ASCC3: variants seen among roughly 807,000 people sequenced by gnomAD.
ASCC3 encodes ASC-1 complex subunit P200.
ASCC3 carries 158 observed loss-of-function variants against 256.3 expected under a neutral mutation model. The observed-to-expected ratio is 0.62, with a 90% CI of 0.54 to 0.70. The LOEUF (loss-of-function observed/expected upper bound fraction) is 0.70, where lower values mean the gene tolerates loss of function less well. Ranked by LOEUF, ASCC3 falls within the 30% of genes least tolerant of loss-of-function variation. The probability of loss-of-function intolerance (pLI) is 0.00; values close to 1 mark genes in which losing one functional copy is unlikely to be tolerated. For missense variants in ASCC3, 2,259 were observed against 2,626.0 expected (o/e 0.86, Z 3.05); for synonymous variants, 948 against 883.4 (o/e 1.07, Z -1.30).
intron 10 of ASCC3, among the ~76,000 whole-genome samples, chr6:100,731,800 T>G (rs182324980): frequency 3.3e-5 from 5 of 152,306 alleles, no homozygotes; most frequent in Admixed American, 1.3e-4. Context: ...AGTCACTACC[T>G]CTTACCTGCT....
At chr6:100,730,869 T>C (rs1779870571) in intron 10 of ASCC3, among the ~76,000 whole-genome samples, 1 of 152,178 alleles carries the variant, frequency 6.6e-6, no homozygotes, top group Non-Finnish European at 1.5e-5. Context: ...CATGCACGAA[T>C]GCACGCTCAC....
In ASCC3 at chr6:100,582,178, G is replaced by A. The variant is rs1771319963; in HGVS notation, c.5550+7456C>T. Among the ~76,000 whole-genome samples the A allele has an allele frequency of 2.6e-5, 4 of 152,136 alleles. No individual in the cohort carries two copies. In the South Asian group the frequency reaches 8.3e-4, roughly 32 times the overall value. On this transcript the variant is annotated intron_variant, in intron 36 of 41. Transcript: ENST00000369162. ...TTGAATCTATAAATTACCTTGGGCAGTATGGCCATTATCATGATATTGATT... is the reference window on the plus strand; with the variant it reads ...TTGAATCTATAAATTACCTTGGGCAATATGGCCATTATCATGATATTGATT...
At chr6:100,688,593 TG>T (rs1262209929) in intron 13 of ASCC3, among the ~76,000 whole-genome samples, 1 of 152,226 alleles carries the variant, frequency 6.6e-6, no homozygotes, top group Non-Finnish European at 1.5e-5. Context: ...CTTATCCTTT[TG>T]GGCATCCAAA....
At chr6:100,545,175 C>CT (rs1554190635) in intron 36 of ASCC3, among the ~76,000 whole-genome samples, 1 of 151,614 alleles carries the variant, frequency 6.6e-6, no homozygotes, top group Non-Finnish European at 1.5e-5. Context: ...AATGGCACTT[C>CT]TTTTTTTGTT....
chr6:100,799,850 T>G (rs1343331223), intron 6 of ASCC3, among the ~76,000 whole-genome samples: 1 of 152,150 alleles, frequency 6.6e-6, no homozygotes, highest in Non-Finnish European at 1.5e-5. Flanking sequence ...GTTTACTTAT[T>G]AAGGTATACA....
At chr6:100,572,523 G>C (rs546304631) in intron 36 of ASCC3, among the ~76,000 whole-genome samples, 14 of 152,202 alleles carry the variant, frequency 9.2e-5, no homozygotes, top group Admixed American at 2.0e-4. Context: ...AAAGGGAATA[G>C]GGCATAGGGA....
At chr6:100,846,132 A>C (rs942944921) in intron 4 of ASCC3, among the ~76,000 whole-genome samples, 10 of 100,716 alleles carry the variant, frequency 9.9e-5, no homozygotes, top group African/African-American at 3.4e-4. Context: ...GTAAATAGAC[A>C]ACACATAAGG....
chr6:100,698,619 A>G (rs1056522278), intron 13 of ASCC3, among the ~76,000 whole-genome samples: 1 of 152,210 alleles, frequency 6.6e-6, no homozygotes, highest in Non-Finnish European at 1.5e-5. Context: ...AGATAATTTA[A>G]TACTTCTAAT....
intron 36 of ASCC3, among the ~76,000 whole-genome samples, chr6:100,571,552 T>G (rs2114725583): frequency 6.6e-6 from 1 of 152,298 alleles, no homozygotes; most frequent in East Asian, 1.9e-4. Flanking sequence ...ATAAATATTA[T>G]TATTAAATAA....
At chr6:100,658,111 A>T (rs1286877139) in intron 16 of ASCC3, among the ~76,000 whole-genome samples, 1 of 151,552 alleles carries the variant, frequency 6.6e-6, no homozygotes, top group Non-Finnish European at 1.5e-5. Context: ...GAGGTGAGAC[A>T]TATGTAACTA....
At chr6:100,845,702 C>A (rs1000667371) in intron 4 of ASCC3, among the ~76,000 whole-genome samples, 5 of 152,126 alleles carry the variant, frequency 3.3e-5, no homozygotes, top group African/African-American at 1.2e-4. Flanking sequence ...ATCTCTCTTA[C>A]ACAGTCTTTG....
intron 24 of ASCC3, among the ~76,000 whole-genome samples, chr6:100,641,360 T>C (rs1174612518): frequency 6.6e-6 from 1 of 152,198 alleles, no homozygotes; most frequent in Non-Finnish European, 1.5e-5. Context: ...CCAGCACCTG[T>C]TGTTTCCTGA....
At position 100,590,449 on chromosome 6, in the gene ASCC3, C is replaced by A. The variant is rs531652522; in HGVS notation, c.5304-390G>T. Among the ~76,000 whole-genome samples, 29 of 152,250 alleles carry A rather than the reference C, an allele frequency of 1.9e-4. 1 individual carries two copies. Among genetic ancestry groups the A allele is most frequent in the Non-Finnish European group, 3.4e-4 (23 of 68,012 alleles). On this transcript the variant is annotated intron_variant, in intron 34 of 41. Coordinates refer to ENST00000369162, the MANE Select transcript of ASCC3 (RefSeq NM_006828.4). ...CCCTGCAACACTGAGAAGTTCTTGG[C>A]AAAACCCCATGGCCTCTAGGGATCT...
intron 10 of ASCC3, among the ~76,000 whole-genome samples, chr6:100,726,875 C>G (rs1779654109): frequency 6.6e-6 from 1 of 152,028 alleles, no homozygotes; most frequent in South Asian, 2.1e-4. Context: ...TGTACTTAAT[C>G]CCTTGGCAGT....
At chr6:100,725,000 T>C (rs1296086839) in intron 11 of ASCC3, among the ~76,000 whole-genome samples, 1 of 152,026 alleles carries the variant, frequency 6.6e-6, no homozygotes, top group Non-Finnish European at 1.5e-5. Flanking sequence ...AGTACAGACA[T>C]GGCTCAATTG....
At chr6:100,764,658 A>C (rs1781565461) in intron 10 of ASCC3, among the ~76,000 whole-genome samples, 1 of 152,156 alleles carries the variant, frequency 6.6e-6, no homozygotes, top group Admixed American at 6.5e-5. Context: ...TTTTTGAATT[A>C]AATCTATCAA....
At chr6:100,636,471 A>G (rs1002588235) in intron 25 of ASCC3, among the ~76,000 whole-genome samples, 2 of 152,138 alleles carry the variant, frequency 1.3e-5, no homozygotes, top group African/African-American at 4.8e-5. Context: ...TCCCTAAGAC[A>G]CAACAATATT....
intron 20 of ASCC3, among the ~76,000 whole-genome samples, chr6:100,647,885 T>C (rs78001962): frequency 0.03 from 4,585 of 151,980 alleles, 77 homozygotes; most frequent in African/African-American, 0.055. Context: ...AAAAAAATAA[T>C]GAGAGAAGGG....
intron 32 of ASCC3, 63 bp from the exon 33 acceptor site, chr6:100,605,763 G>C: frequency 6.5e-7 from 1 of 1,534,606 alleles, no homozygotes. Flanking sequence ...TATATTTACT[G>C]ATTATGGCAT....
Sources: gnomAD v4.1 joint callset for allele counts (sites outside exome capture counted in the v4.1 genomes callset) on GRCh38, gnomAD v4.1.1 for gene constraint, MANE v1.5 for transcripts, NCBI Gene and HGNC (gene_info 2026-07-23, HGNC 2026-07-21) for gene names.